The following ADGRL3 variants were observed in gnomAD, a reference collection of about 807,000 sequenced individuals.
The protein encoded by ADGRL3 is adhesion G protein-coupled receptor L3.
A neutral mutation model predicts 153.5 loss-of-function variants in ADGRL3; 62 were observed. That is an observed-to-expected ratio of 0.40 (90% CI 0.33 to 0.50). The LOEUF (loss-of-function observed/expected upper bound fraction) is 0.50, where lower values mean the gene tolerates loss of function less well. Ranked by LOEUF, ADGRL3 falls within the 20% of genes least tolerant of loss-of-function variation. The pLI is 0.47. For missense variants in ADGRL3, 1,641 were observed against 1,859.4 expected, an observed-to-expected ratio of 0.88 and a Z score of 2.16; for synonymous variants, 710 against 672.5, an observed-to-expected ratio of 1.06 and a Z score of -0.86.
intron 18 of ADGRL3, among the ~76,000 whole-genome samples, chr4:61,982,492 A>T (rs912199213): frequency 2.6e-5 from 4 of 152,082 alleles, no homozygotes; most frequent in Non-Finnish European, 4.4e-5. Flanking sequence ...AATTTCTGTT[A>T]CTCTGATAAC....
At chr4:61,706,601 T>A (rs1410873060) in intron 6 of ADGRL3, among the ~76,000 whole-genome samples, 1 of 152,178 alleles carries the variant, frequency 6.6e-6, no homozygotes, top group Non-Finnish European at 1.5e-5. Flanking sequence ...CTTATTTTTT[T>A]AAAACCTCAT....
chr4:61,640,642 T>C (rs972408721), intron 5 of ADGRL3, among the ~76,000 whole-genome samples: 4 of 152,196 alleles, frequency 2.6e-5, no homozygotes, highest in African/African-American at 7.2e-5. Flanking sequence ...GTGACACATA[T>C]TAGACAATCA....
rs577208881 is a variant in ADGRL3 at position 61,840,368 on chromosome 4, C to G, written c.1480+26479C>G. Among the ~76,000 whole-genome samples, 2 of 152,244 alleles carry G rather than the reference C, an allele frequency of 1.3e-5. 1 individual carries two copies. The highest frequency in any genetic ancestry group is 4.1e-4 in the South Asian group (2 of 4,834). On this transcript the variant is annotated intron_variant, in intron 9 of 26. Coordinates refer to ENST00000683033, the MANE Select transcript of ADGRL3 (RefSeq NM_001387552.1). ...GTGCTGGGATTACAGGCGTGAGCCA[C>G]CGCACCCAGCTTGTTTGTCTCATTT...
At chr4:61,724,221 ATGT>A (rs1409342843) in intron 6 of ADGRL3, among the ~76,000 whole-genome samples, 2 of 152,230 alleles carry the variant, frequency 1.3e-5, no homozygotes, top group Admixed American at 6.5e-5. Context: ...GAAGAAGCAA[ATGT>A]TGTATCAACT....
chr4:61,940,199 C>G (rs1319062608), intron 15 of ADGRL3, among the ~76,000 whole-genome samples: 17 of 70,938 alleles, frequency 2.4e-4, no homozygotes, highest in African/African-American at 9.6e-4. Flanking sequence ...TTTGTTCTTG[C>G]GATAGTTTAC....
intron 21 of ADGRL3, among the ~76,000 whole-genome samples, chr4:62,027,832 TG>T (rs1719654667): frequency 6.6e-6 from 1 of 151,980 alleles, no homozygotes; most frequent in South Asian, 2.1e-4. Flanking sequence ...ATCTTATATA[TG>T]TATAAAAGGA....
At chr4:61,454,298 G>A (rs2097708823) in intron 2 of ADGRL3, among the ~76,000 whole-genome samples, 1 of 152,040 alleles carries the variant, frequency 6.6e-6, no homozygotes, top group Non-Finnish European at 1.5e-5. Flanking sequence ...AAAAGATTAA[G>A]AAATATAGGT....
Position 61,948,081 on chromosome 4 carries a change from G to C in ADGRL3, c.2629-19G>C. The C allele has an allele frequency of 6.3e-7, 1 of 1,589,400 alleles. No individual in the cohort carries two copies. The highest frequency in any genetic ancestry group is 8.6e-7 in the Non-Finnish European group (1 of 1,165,186). On this transcript the variant is annotated intron_variant, in intron 16 of 26. Transcript: ENST00000683033. ...TCATAAAGTAGTTGTTGATTTTATGGATTTTTTTTCCCCTGTAGCAGTCAG... is the reference window on the plus strand; with the variant it reads ...TCATAAAGTAGTTGTTGATTTTATGCATTTTTTTTCCCCTGTAGCAGTCAG...
chr4:61,480,802 A>T (rs901607360), intron 2 of ADGRL3, among the ~76,000 whole-genome samples: 1 of 152,008 alleles, frequency 6.6e-6, no homozygotes, highest in East Asian at 1.9e-4. Context: ...AAATAAATAA[A>T]TGAAAATAAA....
At chr4:61,858,482 G>A (rs189237078) in intron 9 of ADGRL3, among the ~76,000 whole-genome samples, 118 of 152,208 alleles carry the variant, frequency 7.8e-4, no homozygotes, top group Admixed American at 4.1e-3. Flanking sequence ...CTAGTCTGGC[G>A]TAGTGGCGCG....
intron 9 of ADGRL3, among the ~76,000 whole-genome samples, chr4:61,856,009 G>A (rs2098259505): frequency 6.6e-6 from 1 of 152,122 alleles, no homozygotes; most frequent in Non-Finnish European, 1.5e-5. Flanking sequence ...ACTTAAACAT[G>A]TCTCACCATA....
At chr4:61,212,988 G>A (rs112471754) in intron 1 of ADGRL3, among the ~76,000 whole-genome samples, 2 of 152,068 alleles carry the variant, frequency 1.3e-5, no homozygotes, top group African/African-American at 4.8e-5. Flanking sequence ...TTTGCTTAGA[G>A]CCTCTGAACA....
intron 8 of ADGRL3, among the ~76,000 whole-genome samples, chr4:61,807,046 C>T (rs1006533836): frequency 6.6e-6 from 1 of 152,044 alleles, no homozygotes; most frequent in African/African-American, 2.4e-5. Flanking sequence ...CTGTGAGTCA[C>T]ACACATACTG....
At chr4:61,779,284 T>C (rs2097187014) in intron 8 of ADGRL3, among the ~76,000 whole-genome samples, 1 of 151,922 alleles carries the variant, frequency 6.6e-6, no homozygotes, top group Non-Finnish European at 1.5e-5. Flanking sequence ...AATTGTCAGG[T>C]CCCACCTTAG....
At chr4:62,012,050 C>G (rs955612937) in intron 21 of ADGRL3, among the ~76,000 whole-genome samples, 26 of 151,774 alleles carry the variant, frequency 1.7e-4, no homozygotes, top group African/African-American at 6.3e-4. Flanking sequence ...TGAAAATTGA[C>G]CAAAATTTGC....
chr4:61,482,318 T>C (rs910068323), intron 2 of ADGRL3, among the ~76,000 whole-genome samples: 3 of 152,206 alleles, frequency 2.0e-5, no homozygotes, highest in African/African-American at 7.2e-5. Flanking sequence ...AAGATTTAAG[T>C]AAAATATTAG....
rs1311674851 is a variant in ADGRL3, at chr4:61,983,139, T to A, written c.3016-244T>A. On this transcript the variant is annotated intron_variant, in intron 18 of 26. Coordinates refer to ENST00000683033, the MANE Select transcript of ADGRL3 (RefSeq NM_001387552.1). ...TTATTAGAATTTTTTCTAAGTATTA[T>A]TTTTTTTATTCTAATGATACACTGT... 2.5e-4 allele frequency among the ~76,000 whole-genome samples: 38 copies of A among 150,712 alleles called. 1 individual carries two copies. The highest frequency in any genetic ancestry group is 2.9e-5 in the Non-Finnish European group (2 of 67,866).
Position 61,855,433 on chromosome 4 carries a change from A to G in ADGRL3, c.1481-37223A>G, listed in dbSNP as rs192850675. Among the ~76,000 whole-genome samples, 91 of 152,334 alleles carry G rather than the reference A, an allele frequency of 6.0e-4. 1 individual carries two copies. The highest frequency in any genetic ancestry group is 1.1e-3 in the Non-Finnish European group (76 of 68,024). On this transcript the variant is annotated intron_variant, in intron 9 of 26. Transcript: ENST00000683033. ...GAAAAAACTCTGAAGAATATAAAGT[A>G]CATGTTTGCTTGTTTTTCCACAGAA...
intron 9 of ADGRL3, among the ~76,000 whole-genome samples, chr4:61,853,227 C>T (rs1348132447): frequency 2.0e-5 from 3 of 152,046 alleles, no homozygotes; most frequent in Non-Finnish European, 4.4e-5. Context: ...TGGGTCACCC[C>T]ATTAGCATAA....
Sources: gnomAD v4.1 joint callset for allele counts (sites outside exome capture counted in the v4.1 genomes callset) on GRCh38, gnomAD v4.1.1 for gene constraint, MANE v1.5 for transcripts, NCBI Gene and HGNC (gene_info 2026-07-23, HGNC 2026-07-21) for gene names.